The following GIGYF2 variants were observed in gnomAD, a reference collection of about 807,000 sequenced individuals.
The protein encoded by GIGYF2 is GRB10 interacting GYF protein 2.
In GIGYF2, 25 loss-of-function variants were observed where a neutral mutation model predicts 208.1. That is an observed-to-expected ratio of 0.12 (90% CI 0.09 to 0.17). GIGYF2 has a LOEUF of 0.17. GIGYF2 is among the 10% of genes least tolerant of loss of function. GIGYF2 has a pLI of 1.00. For synonymous variants in GIGYF2, 534 were observed against 543.8 expected, an observed-to-expected ratio of 0.98 and a Z score of 0.25; for missense variants, 1,302 against 1,579.4, an observed-to-expected ratio of 0.82 and a Z score of 2.98.
intron 8 of GIGYF2, among the ~76,000 whole-genome samples, chr2:232,769,505 CAAA>C (rs34912964): frequency 1.1e-4 from 7 of 66,538 alleles, no homozygotes; most frequent in Admixed American, 1.7e-4. Flanking sequence ...GACTCCATCT[CAAA>C]AAAAAAAAAA....
chr2:232,750,624 A>G (rs1239174173), intron 5 of GIGYF2, among the ~76,000 whole-genome samples: 1 of 151,594 alleles, frequency 6.6e-6, no homozygotes, highest in Non-Finnish European at 1.5e-5. Flanking sequence ...TGTTTTTCAG[A>G]TGTTTATTCA....
At chr2:232,777,844 A>T (rs1699577586) in intron 8 of GIGYF2, among the ~76,000 whole-genome samples, 1 of 152,232 alleles carries the variant, frequency 6.6e-6, no homozygotes. Flanking sequence ...ACAGAACAAC[A>T]CAACAACAAA....
At chr2:232,856,565 T>C (rs1690580283) in intron 28 of GIGYF2, among the ~76,000 whole-genome samples, 1 of 152,076 alleles carries the variant, frequency 6.6e-6, no homozygotes, top group African/African-American at 2.4e-5. Context: ...TGGTGGCATG[T>C]GTCTGTAATC....
intron 6 of GIGYF2, 108 bp from the exon 7 acceptor site, chr2:232,760,372 A>G (rs1196025924): frequency 1.3e-6 from 1 of 755,982 alleles, no homozygotes; most frequent in Non-Finnish European, 2.3e-6. Flanking sequence ...TTAAATGTAG[A>G]TGTCCTGCCT....
At chr2:232,729,817 G>A (rs924162755) in intron 2 of GIGYF2, 36 of 745,344 alleles carry the variant, frequency 4.8e-5, no homozygotes, top group Non-Finnish European at 9.0e-5. Flanking sequence ...GGCTTTCTTC[G>A]ATTCATATTG....
intron 14 of GIGYF2, among the ~76,000 whole-genome samples, chr2:232,805,509 TTTAAG>T (rs950343481): frequency 6.6e-5 from 10 of 152,364 alleles, no homozygotes; most frequent in African/African-American, 2.2e-4. Flanking sequence ...TATAACTTAC[TTTAAG>T]TTAATATTTG....
intron 22 of GIGYF2, 24 bp from the exon 23 acceptor site, chr2:232,839,825 T>G (rs746264448): frequency 5.6e-6 from 9 of 1,613,672 alleles, no homozygotes; most frequent in Non-Finnish European, 7.6e-6. Flanking sequence ...CTCATGAACT[T>G]TCTGGCCTTC....
At chr2:232,702,557 T>A (rs1158068533) in intron 1 of GIGYF2, among the ~76,000 whole-genome samples, 6 of 152,170 alleles carry the variant, frequency 3.9e-5, no homozygotes, top group Admixed American at 3.3e-4. Flanking sequence ...TAAAGCATCA[T>A]TTGATTTTAG....
intron 8 of GIGYF2, among the ~76,000 whole-genome samples, chr2:232,773,157 A>G (rs1489359937): frequency 6.6e-6 from 1 of 152,202 alleles, no homozygotes; most frequent in Non-Finnish European, 1.5e-5. Flanking sequence ...ACAAGTTGTC[A>G]TAATCATTTA....
intron 27 of GIGYF2, among the ~76,000 whole-genome samples, chr2:232,849,689 G>A (rs1472001409): frequency 6.6e-6 from 1 of 152,164 alleles, no homozygotes; most frequent in African/African-American, 2.4e-5. Context: ...TGGCTCATTG[G>A]CTAATAAGAG....
At chr2:232,761,199 G>C (rs1325271169) in intron 7 of GIGYF2, among the ~76,000 whole-genome samples, 197 bp from the exon 8 acceptor site, 1 of 152,106 alleles carries the variant, frequency 6.6e-6, no homozygotes, top group African/African-American at 2.4e-5. Context: ...ACAGCTTTTG[G>C]TAGGTGAGGG....
intron 18 of GIGYF2, among the ~76,000 whole-genome samples, chr2:232,813,881 A>ATTTTTTTTTTTTTTTTTTTTTTTTTT (rs397871962): frequency 5.4e-5 from 4 of 73,534 alleles, no homozygotes; most frequent in African/African-American, 9.9e-5. Context: ...TCACAAGTGG[A>ATTTTTTTTTTTTTTTTTTTTTTTTTT]TTTTTTTTTT....
intron 8 of GIGYF2, among the ~76,000 whole-genome samples, chr2:232,783,620 C>G (rs2106355931): frequency 6.6e-6 from 1 of 151,970 alleles, no homozygotes; most frequent in South Asian, 2.1e-4. Context: ...AATTTTGTTA[C>G]TAAGTGATTA....
intron 5 of GIGYF2, among the ~76,000 whole-genome samples, chr2:232,755,474 C>G (rs1559406140): frequency 6.6e-6 from 1 of 152,168 alleles, no homozygotes; most frequent in Admixed American, 6.6e-5. Context: ...GGCCTTTTAC[C>G]TTGACTCTTA....
At chr2:232,812,261 A>G in intron 17 of GIGYF2, 130 bp from the exon 18 acceptor site, 2 of 627,866 alleles carry the variant, frequency 3.2e-6, no homozygotes, top group Non-Finnish European at 2.8e-6. Context: ...GTTAAGTTTT[A>G]GTAAAAGAGT....
intron 21 of GIGYF2, among the ~76,000 whole-genome samples, chr2:232,822,337 T>TA (rs1236959113): frequency 6.6e-6 from 1 of 152,220 alleles, no homozygotes; most frequent in Non-Finnish European, 1.5e-5. Flanking sequence ...TGTACATCTT[T>TA]AAAAAACTGA....
chr2:232,708,682 A>G (rs2106251661), intron 2 of GIGYF2, among the ~76,000 whole-genome samples: 1 of 150,970 alleles, frequency 6.6e-6, no homozygotes, highest in South Asian at 2.1e-4. Context: ...AAAAAAAAAA[A>G]AAAAAAAAAA....
At chr2:232,737,901 C>CT (rs1395982953) in intron 3 of GIGYF2, among the ~76,000 whole-genome samples, 3 of 142,092 alleles carry the variant, frequency 2.1e-5, no homozygotes, top group Non-Finnish European at 4.5e-5. Context: ...TGGCTGTAAG[C>CT]TTTAACTTTT....
chr2:232,796,827 T>G (rs1367503404), intron 14 of GIGYF2, among the ~76,000 whole-genome samples: 2 of 152,176 alleles, frequency 1.3e-5, no homozygotes, highest in Non-Finnish European at 2.9e-5. Flanking sequence ...GCCACTGCAC[T>G]GCAGCCTGGG....
Sources: gnomAD v4.1 joint callset for allele counts (sites outside exome capture counted in the v4.1 genomes callset) on GRCh38, gnomAD v4.1.1 for gene constraint, MANE v1.5 for transcripts, NCBI Gene and HGNC (gene_info 2026-07-23, HGNC 2026-07-21) for gene names.